Variants in RBFOX1 observed in about 807,000 individuals in gnomAD.
RBFOX1 encodes RNA binding protein fox-1 homolog 1.
In RBFOX1, 8 loss-of-function variants were observed where a neutral mutation model predicts 57.7. The ratio of observed to expected loss-of-function variants is 0.14; its 90% confidence interval spans 0.08 to 0.25. The LOEUF is 0.25. Ranked by LOEUF, RBFOX1 falls within the 10% of genes least tolerant of loss-of-function variation. The probability of loss-of-function intolerance (pLI) is 1.00; values close to 1 mark genes in which losing one functional copy is unlikely to be tolerated. For synonymous variants in RBFOX1, 326 were observed against 222.4 expected (o/e 1.47, Z -4.15); for missense variants, 611 against 548.5 (o/e 1.11, Z -1.14).
chr16:6,366,422 C>CT (rs2089630262), intron 2 of RBFOX1, among the ~76,000 whole-genome samples: 1 of 152,064 alleles, frequency 6.6e-6, no homozygotes, highest in Non-Finnish European at 1.5e-5. Flanking sequence ...ATCATGTCCC[C>CT]TACTTTTTCT....
chr16:7,370,464 C>G (rs1044698815), intron 4 of RBFOX1, among the ~76,000 whole-genome samples: 1 of 152,182 alleles, frequency 6.6e-6, no homozygotes, highest in Admixed American at 6.5e-5. Flanking sequence ...TCAAAGCGAT[C>G]TTTGTTTTTT....
rs529494207 is a variant in RBFOX1 at position 7,204,898 on chromosome 16, C to A, written c.27+152800C>A. 9.7e-4 allele frequency among the ~76,000 whole-genome samples: 148 copies of A among 152,270 alleles called. 1 individual carries two copies. Among genetic ancestry groups the A allele is most frequent in the Middle Eastern group, 3.4e-3 (1 of 294 alleles). On this transcript the variant is annotated intron_variant, in intron 4 of 15. Transcript: ENST00000550418. Reference sequence around the variant, plus strand: ...TGTTCTTGACTGTTTTGGATATATTCATCTTTCTATGTCTCTTGCACTGTC... The same window carrying A: ...TGTTCTTGACTGTTTTGGATATATTAATCTTTCTATGTCTCTTGCACTGTC...
At chr16:6,083,010 G>GTTT (rs1555500859) in intron 1 of RBFOX1, among the ~76,000 whole-genome samples, 1 of 126,238 alleles carries the variant, frequency 7.9e-6, no homozygotes, top group Non-Finnish European at 1.7e-5. Flanking sequence ...TTGTTTGTTT[G>GTTT]TTTGTTTTTT....
At chr16:7,472,678 A>G (rs1341542871) in intron 4 of RBFOX1, among the ~76,000 whole-genome samples, 1 of 152,222 alleles carries the variant, frequency 6.6e-6, no homozygotes, top group African/African-American at 2.4e-5. Flanking sequence ...CAGTCAATTA[A>G]TAAACAAGCA....
At chr16:6,799,678 T>TG (rs2084903406) in intron 3 of RBFOX1, among the ~76,000 whole-genome samples, 1 of 152,150 alleles carries the variant, frequency 6.6e-6, no homozygotes, top group Non-Finnish European at 1.5e-5. Context: ...GAAGGTGGGA[T>TG]GAGCTAGTTT....
At chr16:6,259,346 A>G (rs902447256) in intron 1 of RBFOX1, among the ~76,000 whole-genome samples, 2 of 152,110 alleles carry the variant, frequency 1.3e-5, no homozygotes, top group African/African-American at 2.4e-5. Context: ...GCAGAGTTCA[A>G]TAACTGATGT....
intron 1 of RBFOX1, among the ~76,000 whole-genome samples, chr16:5,373,814 G>A (rs182866218): frequency 5.9e-5 from 9 of 152,274 alleles, no homozygotes; most frequent in Admixed American, 5.9e-4. Context: ...ATACTGGTCA[G>A]GCTGGTCTCG....
intron 2 of RBFOX1, among the ~76,000 whole-genome samples, chr16:6,381,443 G>A (rs147805693): frequency 6.6e-5 from 10 of 152,242 alleles, no homozygotes; most frequent in African/African-American, 1.2e-4. Context: ...AAAATGCAAC[G>A]GGCTTGATGA....
chr16:6,491,213 ATAGT>A (rs1349220252), intron 2 of RBFOX1, among the ~76,000 whole-genome samples: 1 of 151,574 alleles, frequency 6.6e-6, no homozygotes, highest in African/African-American at 2.4e-5. Context: ...ATATAGATAT[ATAGT>A]TAAACTATAT....
intron 2 of RBFOX1, among the ~76,000 whole-genome samples, chr16:6,629,540 T>G (rs1567953760): frequency 6.6e-6 from 1 of 152,208 alleles, no homozygotes. Flanking sequence ...CCCTGAAACG[T>G]GTAGATAAAA....
At chr16:5,705,247 G>T (rs1355604346) in intron 3 of RBFOX1, among the ~76,000 whole-genome samples, 1 of 152,012 alleles carries the variant, frequency 6.6e-6, no homozygotes, top group Non-Finnish European at 1.5e-5. Context: ...TGTGCTAATG[G>T]ATCTCTTAGG....
At chr16:7,542,494 G>A (rs1212134807) in intron 5 of RBFOX1, among the ~76,000 whole-genome samples, 1 of 151,866 alleles carries the variant, frequency 6.6e-6, no homozygotes, top group Admixed American at 6.6e-5. Flanking sequence ...AAAACAGAGA[G>A]ATAGAAAGAA....
rs1392385678 is a variant in RBFOX1, at chr16:5,947,783, C to T, written c.351+80448C>T. The stretch of plus-strand genomic sequence containing the variant: ...TCCACCTAACAGTGCAAGGATACAG[C>T]TGCCCTTGGTATTCTTCATGGTGAT... On this transcript the variant is annotated intron_variant, in intron 4 of 19. Coordinates refer to the RBFOX1 transcript ENST00000641259. This position sits in a 1 kb window ranked among gnomAD's most constrained non-coding sequence, Gnocchi z 7.2. Among the ~76,000 whole-genome samples, 2 of 152,178 alleles carry T rather than the reference C, an allele frequency of 1.3e-5. No homozygotes were observed. The highest frequency in any genetic ancestry group is 4.8e-5 in the African/African-American group (2 of 41,438).
chr16:5,585,511 C>T (rs372266189), intron 2 of RBFOX1, among the ~76,000 whole-genome samples: 1 of 152,186 alleles, frequency 6.6e-6, no homozygotes, highest in Admixed American at 6.5e-5. Flanking sequence ...TGGCCTGTAG[C>T]TATTTGTTTC....
intron 1 of RBFOX1, among the ~76,000 whole-genome samples, chr16:6,035,502 T>C (rs2095354118): frequency 6.6e-6 from 1 of 151,156 alleles, no homozygotes; most frequent in African/African-American, 2.4e-5. Context: ...AAAAATTGCC[T>C]GGTAAAGTAG....
At position 7,195,468 on chromosome 16, in the gene RBFOX1, C is replaced by T. The variant is rs914633700; in HGVS notation, c.27+143370C>T. Among the ~76,000 whole-genome samples the T allele has an allele frequency of 7.9e-5, 12 of 152,312 alleles. No individual in the cohort carries two copies. In the South Asian group the frequency reaches 2.3e-3, roughly 29 times the overall value. ...GTCCTCTAATATTGGCAAGGCAAAA[C>T]AGAACAACTGACCCAACAGCACAGA... On this transcript the variant is annotated intron_variant, in intron 4 of 15. Transcript: ENST00000550418.
intron 4 of RBFOX1, among the ~76,000 whole-genome samples, chr16:7,342,948 C>G (rs777635929): frequency 7.9e-5 from 12 of 152,126 alleles, no homozygotes; most frequent in Non-Finnish European, 1.3e-4. Flanking sequence ...TGATCAGTTT[C>G]AATAATGTTG....
At chr16:6,945,208 A>G (rs1365995991) in intron 3 of RBFOX1, among the ~76,000 whole-genome samples, 2 of 152,164 alleles carry the variant, frequency 1.3e-5, no homozygotes, top group African/African-American at 4.8e-5. Context: ...GCAAATTGGC[A>G]GCAAAGTTCC....
chr16:6,839,763 A>C (rs925770541), intron 3 of RBFOX1, among the ~76,000 whole-genome samples: 14 of 152,198 alleles, frequency 9.2e-5, no homozygotes, highest in Admixed American at 2.0e-4. Context: ...AAGCAGTTGA[A>C]ACATTTGGAT....
Sources: gnomAD v4.1 joint callset for allele counts (sites outside exome capture counted in the v4.1 genomes callset) on GRCh38, gnomAD v4.1.1 for gene constraint, Gnocchi (gnomAD v3.1) non-coding constraint, MANE v1.5 for transcripts, NCBI Gene and HGNC (gene_info 2026-07-23, HGNC 2026-07-21) for gene names.